Variants in PDE1C observed in about 807,000 individuals in gnomAD.
PDE1C encodes the protein phosphodiesterase 1C, also known as dual specificity calcium/calmodulin-dependent 3',5'-cyclic nucleotide phosphodiesterase 1C.
In PDE1C, 62 loss-of-function variants were observed where a neutral mutation model predicts 93.1. The ratio of observed to expected loss-of-function variants is 0.67; its 90% CI spans 0.54 to 0.82. The LOEUF is 0.82. PDE1C is among the 40% of genes least tolerant of loss of function. The pLI is 0.00. For synonymous variants in PDE1C, 325 were observed against 310.1 expected (o/e 1.05, Z -0.50); for missense variants, 742 against 884.6 (o/e 0.84, Z 2.04).
chr7:31,823,198 G>C lies in PDE1C; in HGVS notation c.1457C>G (p.Ser486Cys). 1 of 1,613,228 alleles carries C rather than the reference G, an allele frequency of 6.2e-7. No individual in the cohort carries two copies. Among genetic ancestry groups the C allele is most frequent in the South Asian group, 1.1e-5 (1 of 90,988 alleles). The change falls in exon 14 of 18, where the codon TCT becomes TGT. Residue 486 changes from serine to cysteine, a missense_variant. Physicochemically the swap from Ser to Cys is moderately radical, Grantham distance 112 (BLOSUM62 -1). This residue lies in a region of PDE1C where 454 missense variants were observed against 459.4 expected (regional missense o/e 0.99). Transcript: ENST00000396191. ...GATCGGGGCACTTCCCTCTGAACCA[G>C]AGGTCTTGACACCTGATCGCTTGGC... ...SDAKRSGVKT[S>C]GSEGSAPINN...
chr7:31,956,185 C>T (rs1442305886), intron 2 of PDE1C, among the ~76,000 whole-genome samples: 2 of 152,038 alleles, frequency 1.3e-5, no homozygotes, highest in African/African-American at 4.8e-5. Flanking sequence ...CTTCCGCCTC[C>T]CAGGTTCAAG....
At chr7:31,721,597 G>A in the PDE1C span, among the ~76,000 whole-genome samples, 1 of 152,200 alleles carries the variant, frequency 6.6e-6, no homozygotes, top group African/African-American at 2.4e-5. Context: ...GAGATTTGAA[G>A]TTGCAAGATA....
At chr7:32,105,143 C>T (rs968124372) in intron 3 of PDE1C, among the ~76,000 whole-genome samples, 12 of 152,166 alleles carry the variant, frequency 7.9e-5, no homozygotes, top group Non-Finnish European at 1.2e-4. Context: ...AGACAAAAGG[C>T]ACATTTCTAG....
chr7:32,362,258 T>G (rs537782506), intron 1 of PDE1C, among the ~76,000 whole-genome samples: 1 of 152,176 alleles, frequency 6.6e-6, no homozygotes, highest in African/African-American at 2.4e-5. Flanking sequence ...TGTACATGTG[T>G]GGGTGTGGGT....
chr7:32,375,113 T>C (rs1052475180), intron 1 of PDE1C, among the ~76,000 whole-genome samples: 8 of 152,282 alleles, frequency 5.3e-5, no homozygotes, highest in Non-Finnish European at 1.0e-4. Context: ...CCAGGGCTAC[T>C]AGCAGCCAGT....
At chr7:31,652,937 G>T in the PDE1C span, 1 of 1,509,094 alleles carries the variant, frequency 6.6e-7, no homozygotes. Flanking sequence ...CCCATTGTCA[G>T]CTATATCTCT....
At chr7:31,826,759 T>G (rs1349707060) in intron 12 of PDE1C, among the ~76,000 whole-genome samples, 1 of 152,200 alleles carries the variant, frequency 6.6e-6, no homozygotes, top group Non-Finnish European at 1.5e-5. Flanking sequence ...TTGCCTCTAA[T>G]CTTACTGAAA....
chr7:31,632,820 G>A, the PDE1C span, among the ~76,000 whole-genome samples: 1 of 152,124 alleles, frequency 6.6e-6, no homozygotes, highest in Non-Finnish European at 1.5e-5. Context: ...AGCCTGAAAA[G>A]CCTGCCCTGT....
chr7:31,745,093 A>T, the PDE1C span, among the ~76,000 whole-genome samples: 1 of 152,222 alleles, frequency 6.6e-6, no homozygotes, highest in African/African-American at 2.4e-5. Flanking sequence ...GAGCATTAAG[A>T]TAAAGGCAAA....
chr7:32,245,312 A>C (rs1808844825), intron 1 of PDE1C, among the ~76,000 whole-genome samples: 1 of 152,126 alleles, frequency 6.6e-6, no homozygotes, highest in African/African-American at 2.4e-5. Context: ...AAACAACAAA[A>C]CCCCTAAAAT....
exon 3 of PDE1C, chr7:32,169,811 T>C (rs1305576687): frequency 1.9e-6 from 3 of 1,612,664 alleles, no homozygotes; most frequent in African/African-American, 2.7e-5. Context: ...CCAAGACTTC[T>C]GGGCTATCCA....
chr7:31,749,297 G>T (rs1006290473), downstream of PDE1C, among the ~76,000 whole-genome samples: 1 of 152,124 alleles, frequency 6.6e-6, no homozygotes, highest in Non-Finnish European at 1.5e-5. Context: ...GGTCAAGTGG[G>T]GTGGGCAGGA....
At chr7:32,138,852 G>A (rs1451814580) in intron 3 of PDE1C, among the ~76,000 whole-genome samples, 3 of 151,936 alleles carry the variant, frequency 2.0e-5, no homozygotes, top group African/African-American at 7.3e-5. Flanking sequence ...TTCATAAATA[G>A]ACATTAGTAA....
chr7:32,203,844 C>T (rs1335785741), intron 2 of PDE1C, among the ~76,000 whole-genome samples: 2 of 152,144 alleles, frequency 1.3e-5, no homozygotes, highest in Non-Finnish European at 2.9e-5. Flanking sequence ...AAAACTAGCA[C>T]GAATTTCTGT....
intron 2 of PDE1C, among the ~76,000 whole-genome samples, chr7:31,935,029 C>A (rs1286494470): frequency 1.3e-5 from 2 of 150,344 alleles, no homozygotes; most frequent in Non-Finnish European, 3.0e-5. Context: ...CATGTAAGGA[C>A]AAAAATATCA....
intron 6 of PDE1C, among the ~76,000 whole-genome samples, chr7:31,867,627 A>G (rs933237356): frequency 2.6e-5 from 4 of 152,090 alleles, no homozygotes; most frequent in African/African-American, 9.7e-5. Context: ...GCTACTTCCA[A>G]TGCTCATGCC....
At chr7:31,838,500 A>C (rs1388222715) in intron 9 of PDE1C, among the ~76,000 whole-genome samples, 2 of 152,174 alleles carry the variant, frequency 1.3e-5, no homozygotes, top group Non-Finnish European at 2.9e-5. Context: ...CATTTGTTAC[A>C]ACTAGTGAAT....
At chr7:31,649,205 A>T in the PDE1C span, among the ~76,000 whole-genome samples, 1 of 152,274 alleles carries the variant, frequency 6.6e-6, no homozygotes, top group African/African-American at 2.4e-5. Flanking sequence ...ATATAAAAAC[A>T]TTACTCTTAG....
At chr7:32,214,622 C>G (rs1234977034) in intron 1 of PDE1C, among the ~76,000 whole-genome samples, 1 of 152,184 alleles carries the variant, frequency 6.6e-6, no homozygotes, top group Non-Finnish European at 1.5e-5. Context: ...ATAATTACCC[C>G]TATTCACTTC....
Sources: allele counts gnomAD v4.1 joint callset (sites outside exome capture counted in the v4.1 genomes callset), GRCh38; gene constraint gnomAD v4.1.1; regional missense constraint gnomAD v4.1.1; transcripts MANE v1.5; gene names NCBI Gene and HGNC (gene_info 2026-07-23, HGNC 2026-07-21).